Variants in TAS2R1 observed in about 807,000 individuals in gnomAD.
TAS2R1 encodes the protein taste receptor type 2 member 1.
For missense variants in TAS2R1, 370 were observed against 353.4 expected, an observed-to-expected ratio of 1.05 and a Z score of -0.38; for synonymous variants, 141 against 134.2, an observed-to-expected ratio of 1.05 and a Z score of -0.35.
chr5:9,711,964 C>T (rs1197930528), intron 1 of TAS2R1, among the ~76,000 whole-genome samples: 3 of 136,330 alleles, frequency 2.2e-5, no homozygotes, highest in Non-Finnish European at 4.6e-5. Context: ...CTGTGCCCAG[C>T]CTTATGTTCA....
At chr5:9,697,554 A>G (rs1324716723) in intron 1 of TAS2R1, among the ~76,000 whole-genome samples, 1 of 152,202 alleles carries the variant, frequency 6.6e-6, no homozygotes, top group African/African-American at 2.4e-5. Flanking sequence ...TATTCATGAA[A>G]AAATAATCTG....
the TAS2R1 span, among the ~76,000 whole-genome samples, chr5:9,809,751 C>A: frequency 6.6e-6 from 1 of 152,212 alleles, no homozygotes; most frequent in African/African-American, 2.4e-5. Flanking sequence ...ATTACATTCT[C>A]TGTTCTTTCC....
intron 1 of TAS2R1, among the ~76,000 whole-genome samples, chr5:9,687,722 C>A (rs143701261): frequency 2.2e-4 from 34 of 152,192 alleles, no homozygotes; most frequent in African/African-American, 7.7e-4. Flanking sequence ...TTCTGCTCCG[C>A]GGGCCCAAGA....
At chr5:9,679,867 A>C (rs1740960947) in intron 1 of TAS2R1, among the ~76,000 whole-genome samples, 1 of 152,220 alleles carries the variant, frequency 6.6e-6, no homozygotes, top group Non-Finnish European at 1.5e-5. Flanking sequence ...TGCAGGTCTA[A>C]TGAAACAACA....
chr5:9,871,075 A>G, the TAS2R1 span, among the ~76,000 whole-genome samples: 1 of 152,204 alleles, frequency 6.6e-6, no homozygotes, highest in Non-Finnish European at 1.5e-5. Flanking sequence ...GTTAGATCTC[A>G]TGAGACCAGC....
At chr5:9,718,262 C>T in the TAS2R1 span, among the ~76,000 whole-genome samples, 4 of 151,624 alleles carry the variant, frequency 2.6e-5, no homozygotes, top group Admixed American at 1.3e-4. Flanking sequence ...AGCCACTGCG[C>T]CCAGCCACCA....
At chr5:9,776,354 C>T in the TAS2R1 span, among the ~76,000 whole-genome samples, 1 of 152,226 alleles carries the variant, frequency 6.6e-6, no homozygotes, top group Non-Finnish European at 1.5e-5. Context: ...TCAAAACTGT[C>T]TTTCCTACCC....
At chr5:9,852,403 A>G in the TAS2R1 span, among the ~76,000 whole-genome samples, 1 of 152,006 alleles carries the variant, frequency 6.6e-6, no homozygotes, top group Admixed American at 6.5e-5. Flanking sequence ...GGAGGTCACT[A>G]TGTTCATTTG....
the TAS2R1 span, among the ~76,000 whole-genome samples, chr5:9,721,318 T>C: frequency 6.6e-6 from 1 of 152,216 alleles, no homozygotes. Flanking sequence ...ACATGGAGCA[T>C]GACACTTCAA....
upstream of TAS2R1, among the ~76,000 whole-genome samples, chr5:9,715,567 T>G (rs1184584356): frequency 2.0e-5 from 3 of 152,202 alleles, no homozygotes; most frequent in Non-Finnish European, 4.4e-5. Context: ...ACCAGCCACA[T>G]GCATAGGGGA....
intron 1 of TAS2R1, among the ~76,000 whole-genome samples, chr5:9,670,292 T>C (rs1481808025): frequency 6.6e-6 from 1 of 152,200 alleles, no homozygotes; most frequent in Non-Finnish European, 1.5e-5. Context: ...AAGTTTGGCC[T>C]AAAGGGTTCT....
intron 1 of TAS2R1, among the ~76,000 whole-genome samples, chr5:9,690,587 T>C (rs1305334554): frequency 6.6e-6 from 1 of 152,044 alleles, no homozygotes; most frequent in Non-Finnish European, 1.5e-5. Flanking sequence ...GTCAGCCCAA[T>C]CAAGTCAGCC....
the TAS2R1 span, among the ~76,000 whole-genome samples, chr5:9,861,234 CT>C: frequency 6.6e-6 from 1 of 151,974 alleles, no homozygotes; most frequent in African/African-American, 2.4e-5. Flanking sequence ...TGGACATTCA[CT>C]CTGCAGCTGG....
chr5:9,756,658 G>T, the TAS2R1 span, among the ~76,000 whole-genome samples: 3 of 152,164 alleles, frequency 2.0e-5, no homozygotes, highest in Non-Finnish European at 4.4e-5. Flanking sequence ...GTGAGTGGTT[G>T]GGGGCCTTTG....
upstream of TAS2R1, chr5:9,713,862 A>G (rs1734752230): frequency 6.6e-6 from 1 of 152,262 alleles, no homozygotes; most frequent in Non-Finnish European, 1.5e-5. Context: ...CTACAAAGAA[A>G]GTAGAACAAT....
chr5:9,696,196 A>G (rs569958537), intron 1 of TAS2R1, among the ~76,000 whole-genome samples: 72 of 152,328 alleles, frequency 4.7e-4, no homozygotes, highest in Admixed American at 1.3e-4. Context: ...AAAAACTTAA[A>G]ACTGATAAAA....
the TAS2R1 span, among the ~76,000 whole-genome samples, chr5:9,828,015 T>C: frequency 1.3e-5 from 2 of 152,218 alleles, no homozygotes; most frequent in East Asian, 1.9e-4. Context: ...TTCTAGTACC[T>C]TCATATTTCT....
At chr5:9,772,103 T>C in the TAS2R1 span, among the ~76,000 whole-genome samples, 6 of 152,140 alleles carry the variant, frequency 3.9e-5, no homozygotes, top group African/African-American at 1.4e-4. Flanking sequence ...AGGTTGTTTA[T>C]TCGAAGTTTT....
At chr5:9,839,970 T>C in the TAS2R1 span, among the ~76,000 whole-genome samples, 1 of 152,214 alleles carries the variant, frequency 6.6e-6, no homozygotes, top group Admixed American at 6.5e-5. Context: ...TTCTAGACTT[T>C]CGTCCTCCCA....
Sources: gnomAD v4.1 joint callset for allele counts (sites outside exome capture counted in the v4.1 genomes callset) on GRCh38, gnomAD v4.1.1 for gene constraint, MANE v1.5 for transcripts, NCBI Gene and HGNC (gene_info 2026-07-23, HGNC 2026-07-21) for gene names.